Variants in VWA3B observed in about 807,000 individuals in gnomAD.
VWA3B encodes the protein von Willebrand factor A domain containing 3B.
Under a neutral mutation model 158.3 loss-of-function variants are expected in VWA3B, and 138 were observed. The observed-to-expected ratio is 0.87, with a 90% CI of 0.76 to 1.00. VWA3B has a LOEUF of 1.00. VWA3B is among the 50% of genes least tolerant of loss of function. The pLI, the probability that VWA3B is intolerant of heterozygous loss-of-function variation, is 0.00. For synonymous variants in VWA3B, 596 were observed against 587.3 expected (o/e 1.01, Z -0.21); for missense variants, 1,555 against 1,565.1 (o/e 0.99, Z 0.11).
chr2:98,135,245 A>G (rs547279199), intron 7 of VWA3B, among the ~76,000 whole-genome samples: 6 of 152,160 alleles, frequency 3.9e-5, no homozygotes, highest in Non-Finnish European at 8.8e-5. Flanking sequence ...AGGGAAATAC[A>G]AACTGCATAG....
intron 19 of VWA3B, among the ~76,000 whole-genome samples, chr2:98,242,611 G>A (rs141786342): frequency 6.6e-5 from 10 of 150,760 alleles, no homozygotes; most frequent in Non-Finnish European, 7.4e-5. Flanking sequence ...GTCCTTCTCC[G>A]GGTTCTGCAC....
At chr2:98,254,602 CTA>C (rs1166242278) in intron 20 of VWA3B, among the ~76,000 whole-genome samples, 4 of 152,192 alleles carry the variant, frequency 2.6e-5, no homozygotes, top group Admixed American at 2.0e-4. Context: ...GACTCTTTTT[CTA>C]TCACTTAGAG....
At chr2:98,215,277 C>T (rs901186134) in intron 13 of VWA3B, among the ~76,000 whole-genome samples, 1 of 151,538 alleles carries the variant, frequency 6.6e-6, no homozygotes, top group Non-Finnish European at 1.5e-5. Context: ...CCCGTCTCTA[C>T]TAAAAATACA....
At chr2:98,136,149 C>T (rs1049006419) in intron 7 of VWA3B, among the ~76,000 whole-genome samples, 2 of 152,166 alleles carry the variant, frequency 1.3e-5, no homozygotes, top group Non-Finnish European at 2.9e-5. Context: ...CAGGGTATGA[C>T]TTACCATGAC....
chr2:98,268,868 T>A (rs1027746473), intron 21 of VWA3B, among the ~76,000 whole-genome samples: 1 of 152,148 alleles, frequency 6.6e-6, no homozygotes, highest in East Asian at 1.9e-4. Flanking sequence ...TTTAAAGTAA[T>A]CCTGTAACAT....
chr2:98,324,438 G>A, the VWA3B span, among the ~76,000 whole-genome samples: 2 of 152,144 alleles, frequency 1.3e-5, no homozygotes, highest in South Asian at 2.1e-4. Flanking sequence ...GCTGGGATTA[G>A]AGGTGTGAGT....
chr2:98,225,182 C>T (rs973372118), intron 14 of VWA3B, among the ~76,000 whole-genome samples: 5 of 152,238 alleles, frequency 3.3e-5, no homozygotes, highest in Admixed American at 2.6e-4. Context: ...GATCCACCTG[C>T]CTTGGCTTCC....
At chr2:98,320,755 CAA>C in the VWA3B span, among the ~76,000 whole-genome samples, 2 of 152,172 alleles carry the variant, frequency 1.3e-5, no homozygotes, top group Non-Finnish European at 1.5e-5. Flanking sequence ...GCAAAGCACT[CAA>C]GAGGTGACAG....
rs567042616 is a variant in VWA3B, at chr2:98,231,887, C to T, written c.2308+1680C>T. 9.7e-4 allele frequency among the ~76,000 whole-genome samples: 148 copies of T among 152,184 alleles called. 1 individual carries two copies. The highest frequency in any genetic ancestry group is 3.5e-3 in the African/African-American group (145 of 41,528). ...ATTATTTTAATACATTGCTGGATTC[C>T]GTTTGCTAGTATTTTGTTGAGGATT... On this transcript the variant is annotated intron_variant, in intron 16 of 27. Transcript: ENST00000477737.
At chr2:98,095,213 G>A (rs1241207938) in intron 2 of VWA3B, among the ~76,000 whole-genome samples, 1 of 152,082 alleles carries the variant, frequency 6.6e-6, no homozygotes, top group Non-Finnish European at 1.5e-5. Flanking sequence ...GAGCACTTTG[G>A]GTAGTGTGGA....
intron 21 of VWA3B, among the ~76,000 whole-genome samples, chr2:98,262,523 C>T (rs1687551270): frequency 6.6e-6 from 1 of 151,794 alleles, no homozygotes; most frequent in African/African-American, 2.4e-5. Context: ...CTTGGAGAGA[C>T]TGTCGTTTTT....
rs1194074015 is a variant in VWA3B, at chr2:98,303,749, T to C, written c.3468T>C (p.Tyr1156=). 3.1e-6 allele frequency: 5 copies of C among 1,614,182 alleles called. No individual in the cohort carries two copies. Among genetic ancestry groups the C allele is most frequent in the Middle Eastern group, 3.3e-4 (2 of 6,062 alleles). ...TTATTAAGATCAGCCAAAACAAGTA[T>C]GCGCTCTCTTGCTCTCATATAAAGT... ...SALIKISQNK[Y]ALSCSHIKSP... is the part of the protein sequence containing the mutation. Residue 1156 remains tyrosine (Y), a synonymous_variant, in exon 26 of 28, where the codon TAT becomes TAC. Coordinates refer to ENST00000477737, the MANE Select transcript of VWA3B (RefSeq NM_144992.5).
At chr2:98,235,519 C>T (rs994868303) in intron 17 of VWA3B, among the ~76,000 whole-genome samples, 16 of 151,592 alleles carry the variant, frequency 1.1e-4, no homozygotes, top group African/African-American at 1.9e-4. Flanking sequence ...TCTGCCTCCA[C>T]GGTTCAAGTA....
rs565803291 is a variant in VWA3B at position 98,103,118 on chromosome 2, C to A, written c.196+9830C>A. On this transcript the variant is annotated intron_variant, in intron 2 of 27. Coordinates refer to ENST00000477737, the MANE Select transcript of VWA3B (RefSeq NM_144992.5). ...TCACCTCTTTCATTCTTTTTTAATG[C>A]CTGTAGGATCTGTAGTGATGTTACC... Among the ~76,000 whole-genome samples, 37 of 152,096 alleles carry A rather than the reference C, an allele frequency of 2.4e-4. No individual in the cohort carries two copies. The South Asian group carries it at 7.3e-3, about 30-fold the overall frequency.
chr2:98,140,567 T>A (rs908579124), intron 7 of VWA3B, among the ~76,000 whole-genome samples: 5 of 152,204 alleles, frequency 3.3e-5, no homozygotes, highest in Non-Finnish European at 4.4e-5. Flanking sequence ...CCTCCCATAC[T>A]TCTCTGTGTG....
chr2:98,134,443 G>T (rs1420826680), intron 7 of VWA3B, among the ~76,000 whole-genome samples: 2 of 152,212 alleles, frequency 1.3e-5, no homozygotes, highest in East Asian at 1.9e-4. Flanking sequence ...TGTGATCAGA[G>T]AACTTAATGA....
At chr2:98,156,282 C>T (rs1377041495) in intron 7 of VWA3B, among the ~76,000 whole-genome samples, 2 of 152,232 alleles carry the variant, frequency 1.3e-5, no homozygotes, top group Admixed American at 6.5e-5. Context: ...TATTTTAAAG[C>T]ATTGGCTTCC....
chr2:98,092,102 A>G (rs1050207679), intron 1 of VWA3B, among the ~76,000 whole-genome samples: 3 of 152,232 alleles, frequency 2.0e-5, no homozygotes, highest in African/African-American at 4.8e-5. Context: ...ACAATAAAAC[A>G]TTCAGAAAGT....
At chr2:98,321,827 G>A in the VWA3B span, among the ~76,000 whole-genome samples, 1 of 152,130 alleles carries the variant, frequency 6.6e-6, no homozygotes, top group Non-Finnish European at 1.5e-5. Flanking sequence ...ATTTGGGAGG[G>A]GCTAGTGGTG....
Sources: gnomAD v4.1 joint callset for allele counts (sites outside exome capture counted in the v4.1 genomes callset) on GRCh38, gnomAD v4.1.1 for gene constraint, MANE v1.5 for transcripts, NCBI Gene and HGNC (gene_info 2026-07-23, HGNC 2026-07-21) for gene names.